Variants in NECTIN1 observed in about 807,000 individuals in gnomAD.
NECTIN1 encodes nectin-1.
NECTIN1 carries 23 observed loss-of-function variants against 48.0 expected under a neutral mutation model. The ratio of observed to expected loss-of-function variants is 0.48; its 90% CI spans 0.34 to 0.68. NECTIN1 has a LOEUF of 0.68. Ranked by LOEUF, NECTIN1 falls within the 30% of genes least tolerant of loss-of-function variation. NECTIN1 has a pLI of 0.01. For synonymous variants in NECTIN1, 270 were observed against 288.9 expected, an observed-to-expected ratio of 0.93 and a Z score of 0.66; for missense variants, 591 against 709.9, an observed-to-expected ratio of 0.83 and a Z score of 1.90.
At position 119,728,782 on chromosome 11, in the gene NECTIN1, T is replaced by A. The variant is rs1865965162; in HGVS notation, c.-229A>T. On this transcript the variant is annotated 5_prime_UTR_variant, in exon 1 of 6. Transcript: ENST00000264025. ...GGCTCGGCAGATGCCCGCCGCAAGT[T>A]GCACGAGTCATGCCCCTTCGCCTCC... 3.6e-5 allele frequency: 16 copies of A among 442,226 alleles called. 1 individual carries two copies. The South Asian group carries it at 7.3e-4, about 20-fold the overall frequency. 27.4% of individuals were successfully genotyped at this position (442,226 alleles called of 1,614,324 possible).
rs149137195 is a variant in NECTIN1, at chr11:119,699,789, G to A, written c.80-21024C>T. Among the ~76,000 whole-genome samples the A allele has an allele frequency of 1.3e-3, 195 of 152,296 alleles. 1 individual carries two copies. Among genetic ancestry groups the A allele is most frequent in the Middle Eastern group, 6.8e-3 (2 of 294 alleles). ...TGGCATTCGGGGTTGCCAAGGTCACGGTTAGTGGCAGAGCCAGGATTCAAA... is the reference window on the plus strand; with the variant it reads ...TGGCATTCGGGGTTGCCAAGGTCACAGTTAGTGGCAGAGCCAGGATTCAAA... On this transcript the variant is annotated intron_variant, in intron 1 of 5. Transcript: ENST00000264025.
intron 1 of NECTIN1, among the ~76,000 whole-genome samples, chr11:119,721,024 AAGAC>A (rs916601178): frequency 8.5e-5 from 13 of 152,194 alleles, no homozygotes; most frequent in Admixed American, 3.3e-4. Flanking sequence ...TTCAGACAGA[AAGAC>A]AGGCCAAGAT....
chr11:119,693,164 G>A (rs529683709), intron 1 of NECTIN1, among the ~76,000 whole-genome samples: 2 of 152,208 alleles, frequency 1.3e-5, no homozygotes, highest in African/African-American at 4.8e-5. Context: ...TTGCCTCCTC[G>A]TCCCAGAGCT....
At chr11:119,666,807 G>C (rs1308267206) in intron 5 of NECTIN1, among the ~76,000 whole-genome samples, 3 of 152,184 alleles carry the variant, frequency 2.0e-5, no homozygotes, top group Admixed American at 2.0e-4. Context: ...GGGCGTGTGT[G>C]GGGTGCTATC....
At chr11:119,675,440 G>A (rs1399470933) in intron 4 of NECTIN1, 130 bp from the exon 5 acceptor site, 2 of 810,814 alleles carry the variant, frequency 2.5e-6, no homozygotes, top group African/African-American at 3.5e-5. Context: ...TGTCTTTGAA[G>A]GAAGAAAAAT....
intron 1 of NECTIN1, among the ~76,000 whole-genome samples, chr11:119,679,356 ACGG>A (rs1455746082): frequency 2.6e-5 from 4 of 152,140 alleles, no homozygotes; most frequent in Non-Finnish European, 5.9e-5. Context: ...TTGAAGGCCC[ACGG>A]TGGCTGTCAT....
downstream of NECTIN1, among the ~76,000 whole-genome samples, chr11:119,660,515 G>C (rs1263466770): frequency 5.3e-5 from 8 of 152,144 alleles, no homozygotes; most frequent in African/African-American, 1.9e-4. Context: ...CGTCCCCAGG[G>C]ACCTAACACG....
intron 5 of NECTIN1, chr11:119,674,350 T>C (rs778447705): frequency 1.3e-4 from 191 of 1,419,694 alleles, no homozygotes; most frequent in Non-Finnish European, 1.6e-4. Flanking sequence ...CTTGTTTTGA[T>C]GCTTCCATTA....
chr11:119,647,611 C>G (rs79262854), intron 5 of NECTIN1, among the ~76,000 whole-genome samples: 2,263 of 152,146 alleles, frequency 0.015, 45 homozygotes, highest in African/African-American at 0.052. Context: ...ACTCTTTCCT[C>G]CCTATCTGCT....
intron 1 of NECTIN1, among the ~76,000 whole-genome samples, chr11:119,715,292 C>T (rs1456812771): frequency 6.6e-6 from 1 of 152,232 alleles, no homozygotes; most frequent in East Asian, 1.9e-4. Flanking sequence ...GCTGCAGGCC[C>T]AGCTGGGAGG....
intron 1 of NECTIN1, among the ~76,000 whole-genome samples, chr11:119,717,999 T>C (rs1833862151): frequency 6.6e-6 from 1 of 152,218 alleles, no homozygotes; most frequent in African/African-American, 2.4e-5. Flanking sequence ...GCATGGATAA[T>C]CTAGAACAGC....
intron 1 of NECTIN1, among the ~76,000 whole-genome samples, chr11:119,711,600 C>T (rs1188517473): frequency 6.6e-6 from 1 of 151,986 alleles, no homozygotes; most frequent in Admixed American, 6.6e-5. Context: ...TACTAAACAA[C>T]ACAGAAGGGG....
At position 119,728,471 on chromosome 11, in the gene NECTIN1, T is replaced by C. The variant is rs542760632; in HGVS notation, c.79+4A>G. Reference sequence around the variant, plus strand: ...GTGGGGACAGCAGAGGTGAGCGCTCTTACCTGGGAGGAAGAATGCGGTCAA... The same window carrying C: ...GTGGGGACAGCAGAGGTGAGCGCTCCTACCTGGGAGGAAGAATGCGGTCAA... On this transcript the variant is annotated splice_donor_region_variant and intron_variant, in intron 1 of 5. Transcript: ENST00000264025. 149 of 1,600,514 alleles carry C rather than the reference T, an allele frequency of 9.3e-5. 1 individual carries two copies. The East Asian group carries it at 2.8e-3, about 30-fold the overall frequency.
chr11:119,679,638 G>C (rs924628145), intron 1 of NECTIN1, among the ~76,000 whole-genome samples: 1 of 151,822 alleles, frequency 6.6e-6, no homozygotes, highest in African/African-American at 2.4e-5. Flanking sequence ...CCACATTCCC[G>C]GTTTCCTTCC....
intron 6 of NECTIN1, among the ~76,000 whole-genome samples, chr11:119,639,255 C>T (rs1166605731): frequency 2.0e-5 from 3 of 152,152 alleles, no homozygotes; most frequent in Non-Finnish European, 2.9e-5. Flanking sequence ...ATGAACAAAA[C>T]GTCCACATTG....
intron 1 of NECTIN1, among the ~76,000 whole-genome samples, chr11:119,702,124 TC>T: frequency 6.6e-6 from 1 of 152,314 alleles, no homozygotes; most frequent in East Asian, 1.9e-4. Context: ...AGTGCCCTCT[TC>T]CTGTGGGACA....
intron 5 of NECTIN1, among the ~76,000 whole-genome samples, chr11:119,648,717 T>C (rs867399432): frequency 1.3e-5 from 2 of 152,028 alleles, no homozygotes; most frequent in Non-Finnish European, 2.9e-5. Flanking sequence ...GGGAGGGCTG[T>C]GGGAGTGTCT....
chr11:119,687,472 G>A (rs1460182875), intron 1 of NECTIN1: 1 of 152,176 alleles, frequency 6.6e-6, no homozygotes, highest in Admixed American at 6.5e-5. Context: ...GATTCAGGCA[G>A]GTCCCATTGT....
At chr11:119,725,520 G>A (rs1865895803) in intron 1 of NECTIN1, among the ~76,000 whole-genome samples, 1 of 152,216 alleles carries the variant, frequency 6.6e-6, no homozygotes, top group Admixed American at 6.5e-5. Flanking sequence ...AAATGGGTAA[G>A]GAGATTCCCA....
Sources: allele counts gnomAD v4.1 joint callset (sites outside exome capture counted in the v4.1 genomes callset), GRCh38; gene constraint gnomAD v4.1.1; transcripts MANE v1.5; gene names NCBI Gene and HGNC (gene_info 2026-07-23, HGNC 2026-07-21).